The following CNTNAP2 variants were observed in gnomAD, a reference collection of about 807,000 sequenced individuals.
The protein encoded by CNTNAP2 is contactin associated protein 2, also known as contactin-associated protein-like 2.
A neutral mutation model predicts 155.2 loss-of-function variants in CNTNAP2; 98 were observed. The ratio of observed to expected loss-of-function variants is 0.63; its 90% CI spans 0.54 to 0.75. The LOEUF is 0.75. Ranked by LOEUF, CNTNAP2 falls within the 30% of genes least tolerant of loss-of-function variation. The probability of loss-of-function intolerance (pLI) is 0.00; values close to 1 mark genes in which losing one functional copy is unlikely to be tolerated. For missense variants in CNTNAP2, 1,727 were observed against 1,688.1 expected, an observed-to-expected ratio of 1.02 and a Z score of -0.40; for synonymous variants, 651 against 631.2, an observed-to-expected ratio of 1.03 and a Z score of -0.47.
At chr7:146,389,567 G>A (rs936448603) in intron 1 of CNTNAP2, among the ~76,000 whole-genome samples, 4 of 151,198 alleles carry the variant, frequency 2.6e-5, no homozygotes, top group African/African-American at 9.7e-5. Flanking sequence ...TAAAATAAGA[G>A]CTTTTTCTTG....
At chr7:148,268,227 T>G (rs34028741) in intron 21 of CNTNAP2, among the ~76,000 whole-genome samples, 1 of 152,008 alleles carries the variant, frequency 6.6e-6, no homozygotes, top group South Asian at 2.1e-4. Flanking sequence ...GGTGGTGATG[T>G]ACAGGTGGGA....
intron 10 of CNTNAP2, among the ~76,000 whole-genome samples, chr7:147,485,663 A>G (rs1309484865): frequency 6.6e-6 from 1 of 152,156 alleles, no homozygotes; most frequent in Non-Finnish European, 1.5e-5. Flanking sequence ...AATAAAATGA[A>G]TCTGTGATAT....
At chr7:147,953,827 G>C (rs935011628) in intron 14 of CNTNAP2, among the ~76,000 whole-genome samples, 2 of 152,098 alleles carry the variant, frequency 1.3e-5, no homozygotes, top group Non-Finnish European at 2.9e-5. Flanking sequence ...CTCTTGTCAC[G>C]TGGCATTCTC....
chr7:146,783,773 A>G (rs2129187605), intron 2 of CNTNAP2, among the ~76,000 whole-genome samples: 1 of 152,352 alleles, frequency 6.6e-6, no homozygotes, highest in South Asian at 2.1e-4. Context: ...ACACGTATAT[A>G]CATACAAGTT....
At chr7:146,656,211 T>A (rs1324245952) in intron 1 of CNTNAP2, among the ~76,000 whole-genome samples, 14 of 152,240 alleles carry the variant, frequency 9.2e-5, no homozygotes. Context: ...TCATCTCTTA[T>A]TACCCTTTCT....
intron 9 of CNTNAP2, among the ~76,000 whole-genome samples, chr7:147,306,273 T>C (rs1280600755): frequency 6.6e-6 from 1 of 152,210 alleles, no homozygotes; most frequent in Non-Finnish European, 1.5e-5. Flanking sequence ...TTCTCAAAGA[T>C]GGCTCTTATG....
chr7:147,442,050 G>T (rs1018004066), intron 10 of CNTNAP2, among the ~76,000 whole-genome samples: 3 of 152,060 alleles, frequency 2.0e-5, no homozygotes, highest in Admixed American at 2.0e-4. Flanking sequence ...CTGGGACTCA[G>T]CAGGGGGCAA....
intron 13 of CNTNAP2, among the ~76,000 whole-genome samples, chr7:147,844,922 G>A (rs1169630079): frequency 1.2e-4 from 17 of 144,362 alleles, no homozygotes; most frequent in African/African-American, 4.3e-4. Flanking sequence ...TATTGAACCA[G>A]CCTTGCATCC....
intron 3 of CNTNAP2, among the ~76,000 whole-genome samples, chr7:147,011,566 A>C (rs1798625419): frequency 6.6e-6 from 1 of 152,024 alleles, no homozygotes; most frequent in Admixed American, 6.6e-5. Context: ...GGCTCAGAAA[A>C]CCATACTCAA....
At position 147,951,335 on chromosome 7, in the gene CNTNAP2, G is replaced by A. The variant is rs1800927179; in HGVS notation, c.2256-26527G>A. 2.0e-5 allele frequency among the ~76,000 whole-genome samples: 3 copies of A among 152,278 alleles called. No homozygotes were observed. The South Asian group carries it at 6.2e-4, about 32-fold the overall frequency. ...CAATCTATTCTACAGAGCAAATTGAGGTATTTCTTCTGTAATAGGGAAAGA... is the reference window on the plus strand; with the variant it reads ...CAATCTATTCTACAGAGCAAATTGAAGTATTTCTTCTGTAATAGGGAAAGA... On this transcript the variant is annotated intron_variant, in intron 14 of 23. Transcript: ENST00000361727.
chr7:148,371,355 G>T (rs763563505), intron 21 of CNTNAP2, among the ~76,000 whole-genome samples: 1 of 152,158 alleles, frequency 6.6e-6, no homozygotes, highest in Non-Finnish European at 1.5e-5. Context: ...TCCAAATATA[G>T]AAATTGGTTA....
At chr7:147,723,633 A>G (rs367865152) in intron 13 of CNTNAP2, among the ~76,000 whole-genome samples, 3 of 151,926 alleles carry the variant, frequency 2.0e-5, no homozygotes, top group African/African-American at 7.2e-5. Context: ...ATCAGTCTGC[A>G]TCTGTCCCTG....
intron 8 of CNTNAP2, among the ~76,000 whole-genome samples, chr7:147,188,169 T>TA (rs1304241706): frequency 6.6e-6 from 1 of 152,170 alleles, no homozygotes; most frequent in South Asian, 2.1e-4. Context: ...AAGAGATTTA[T>TA]AAAAAATAGA....
chr7:148,101,282 A>G (rs574382147), intron 15 of CNTNAP2, among the ~76,000 whole-genome samples: 2 of 150,338 alleles, frequency 1.3e-5, no homozygotes, highest in South Asian at 2.1e-4. Context: ...TTGAAGTATT[A>G]TAATAATAAA....
chr7:146,316,649 T>C (rs1035365102), intron 1 of CNTNAP2, among the ~76,000 whole-genome samples: 2 of 152,322 alleles, frequency 1.3e-5, no homozygotes, highest in East Asian at 1.9e-4. Context: ...TGGTGGAACA[T>C]ACTTAACATA....
chr7:147,107,599 G>A (rs1365709705), intron 4 of CNTNAP2, among the ~76,000 whole-genome samples: 1 of 151,924 alleles, frequency 6.6e-6, no homozygotes, highest in African/African-American at 2.4e-5. Flanking sequence ...CTGAAAATTC[G>A]ATTGGTTGTA....
At chr7:146,206,309 G>A (rs1375892076) in intron 1 of CNTNAP2, among the ~76,000 whole-genome samples, 3 of 151,908 alleles carry the variant, frequency 2.0e-5, no homozygotes, top group African/African-American at 7.2e-5. Context: ...AACATACTAT[G>A]TTGTGCTTAA....
chr7:147,055,304 C>T (rs1036540448), intron 4 of CNTNAP2, among the ~76,000 whole-genome samples: 1 of 152,198 alleles, frequency 6.6e-6, no homozygotes, highest in Non-Finnish European at 1.5e-5. Context: ...GGAGATGCTT[C>T]ATAACCGAAA....
chr7:146,680,510 A>G (rs1027256555), intron 1 of CNTNAP2, among the ~76,000 whole-genome samples: 1 of 152,160 alleles, frequency 6.6e-6, no homozygotes, highest in Non-Finnish European at 1.5e-5. Flanking sequence ...AAAAAGGAAG[A>G]TAGAGTTTTG....
Sources: allele counts gnomAD v4.1 joint callset (sites outside exome capture counted in the v4.1 genomes callset), GRCh38; gene constraint gnomAD v4.1.1; transcripts MANE v1.5; gene names NCBI Gene and HGNC (gene_info 2026-07-23, HGNC 2026-07-21).